The following NUDT6 variants were observed in gnomAD, a reference collection of about 807,000 sequenced individuals.
NUDT6 encodes the protein FAD diphosphatase NUDT6.
A neutral mutation model predicts 36.8 loss-of-function variants in NUDT6; 24 were observed. The ratio of observed to expected loss-of-function variants is 0.65; its 90% CI spans 0.47 to 0.92. The LOEUF (loss-of-function observed/expected upper bound fraction) is 0.92. Ranked by LOEUF, NUDT6 falls within the 40% of genes least tolerant of loss-of-function variation. The pLI is 0.00. For synonymous variants in NUDT6, 163 were observed against 157.0 expected, an observed-to-expected ratio of 1.04 and a Z score of -0.29; for missense variants, 388 against 392.8, an observed-to-expected ratio of 0.99 and a Z score of 0.10.
intron 3 of NUDT6, among the ~76,000 whole-genome samples, chr4:122,907,784 C>T (rs1259493502): frequency 5.3e-5 from 8 of 152,082 alleles, no homozygotes; most frequent in Non-Finnish European, 7.3e-5. Context: ...TTTCACTTTA[C>T]GGATTCACCC....
intron 4 of NUDT6, chr4:122,895,141 C>T (rs889323544): frequency 2.0e-5 from 3 of 152,184 alleles, no homozygotes; most frequent in African/African-American, 4.8e-5. Context: ...ACCCTTCCAC[C>T]TCAAGATGGA....
At chr4:122,899,275 A>G (rs1034921878) in intron 3 of NUDT6, among the ~76,000 whole-genome samples, 39 of 151,910 alleles carry the variant, frequency 2.6e-4, no homozygotes, top group African/African-American at 8.7e-4. Flanking sequence ...TTGACCATAA[A>G]TGATTAGAGA....
intron 3 of NUDT6, among the ~76,000 whole-genome samples, chr4:122,904,370 AATCT>A (rs987723464): frequency 1.3e-5 from 2 of 152,064 alleles, no homozygotes; most frequent in African/African-American, 4.8e-5. Context: ...TTCTCCTGTT[AATCT>A]ATCTGTTGTC....
At chr4:122,910,217 T>C (rs1299792918) in intron 3 of NUDT6, among the ~76,000 whole-genome samples, 2 of 152,206 alleles carry the variant, frequency 1.3e-5, no homozygotes, top group African/African-American at 2.4e-5. Flanking sequence ...CAAGTACAGA[T>C]TGCTCTGGGA....
intron 3 of NUDT6, among the ~76,000 whole-genome samples, chr4:122,899,377 A>AT (rs778261841): frequency 1.6e-3 from 240 of 152,206 alleles, no homozygotes; most frequent in Non-Finnish European, 2.8e-3. Context: ...GATTTTGACT[A>AT]TTTCATAAAC....
At chr4:122,917,208 T>C (rs1396953136) in intron 2 of NUDT6, among the ~76,000 whole-genome samples, 2 of 152,226 alleles carry the variant, frequency 1.3e-5, no homozygotes, top group Non-Finnish European at 2.9e-5. Context: ...TTCTAATTTA[T>C]TGTTAGTTAC....
rs1056434727 is a variant in NUDT6, at chr4:122,922,548, G to A, written c.25C>T (p.Arg9Cys). 5 of 1,602,226 alleles carry A rather than the reference G, an allele frequency of 3.1e-6. No homozygotes were observed. Among genetic ancestry groups the A allele is most frequent in the African/African-American group, 2.7e-5 (2 of 74,834 alleles). MRQPLSWG[R>C]WRAMLARTYG... ...GTTCGGGCAAGCATCGCGCGCCAGC[G>A]GCCCCAGCTCAGTGGCTGCCGCATC... Residue 9 changes from arginine to cysteine, a missense_variant, in exon 1 of 5, where the codon CGC becomes TGC. Arg to Cys is a radical substitution (Grantham distance 180). Coordinates refer to ENST00000304430, the MANE Select transcript of NUDT6 (RefSeq NM_007083.5).
At chr4:122,905,289 A>T (rs539553143) in intron 3 of NUDT6, among the ~76,000 whole-genome samples, 4 of 152,200 alleles carry the variant, frequency 2.6e-5, no homozygotes, top group African/African-American at 9.7e-5. Flanking sequence ...CATTCACTAT[A>T]TGCTAAATGG....
chr4:122,912,150 T>C (rs1727743680), intron 3 of NUDT6, among the ~76,000 whole-genome samples: 1 of 152,208 alleles, frequency 6.6e-6, no homozygotes, highest in Non-Finnish European at 1.5e-5. Context: ...TGTCATCTAT[T>C]GTATGACTGT....
At chr4:122,920,932 C>T (rs1241023199) in intron 1 of NUDT6, 1 of 152,154 alleles carries the variant, frequency 6.6e-6, no homozygotes, top group Non-Finnish European at 1.5e-5. Flanking sequence ...CCATATTGCT[C>T]AATAGGATAA....
At chr4:122,895,535 C>G (rs1167241389) in intron 4 of NUDT6, 1 of 152,188 alleles carries the variant, frequency 6.6e-6, no homozygotes, top group East Asian at 1.9e-4. Flanking sequence ...TGATAAGGCT[C>G]AGCTGCTTTA....
intron 3 of NUDT6, among the ~76,000 whole-genome samples, chr4:122,902,472 T>C (rs771642606): frequency 1.3e-5 from 2 of 152,220 alleles, no homozygotes; most frequent in Non-Finnish European, 2.9e-5. Flanking sequence ...CACTGATGTA[T>C]ACCTAGTGCT....
At chr4:122,896,916 A>C (rs1159837406) in intron 4 of NUDT6, 1 of 152,242 alleles carries the variant, frequency 6.6e-6, no homozygotes, top group Non-Finnish European at 1.5e-5. Context: ...GTCATGATAC[A>C]CATTGAATTT....
chr4:122,917,455 G>T, intron 2 of NUDT6, 46 bp downstream of exon 2: 1 of 1,499,186 alleles, frequency 6.7e-7, no homozygotes, highest in South Asian at 1.1e-5. Flanking sequence ...GAAATTGGGT[G>T]AACGTCTAAA....
At position 122,897,628 on chromosome 4, in the gene NUDT6, ATCT is replaced by A. The variant is rs747627491; in HGVS notation, c.546_548del (p.Glu182del). The A allele has an allele frequency of 3.2e-5, 51 of 1,600,678 alleles. No homozygotes were observed. The highest frequency in any genetic ancestry group is 3.9e-5 in the Non-Finnish European group (46 of 1,167,968). On this transcript the variant is annotated inframe_deletion, in exon 4 of 5. Coordinates refer to ENST00000304430, the MANE Select transcript of NUDT6 (RefSeq NM_007083.5). Reference sequence around the variant, plus strand: ...AAAAATATAAAAGATACACACCAATATCTTCTTCAGGCTCTGACAGGCCTCCTG... The same window carrying A: ...AAAAATATAAAAGATACACACCAATATCTTCAGGCTCTGACAGGCCTCCTG...
chr4:122,909,806 G>A (rs891000577), intron 3 of NUDT6, among the ~76,000 whole-genome samples: 3 of 152,122 alleles, frequency 2.0e-5, no homozygotes, highest in Non-Finnish European at 4.4e-5. Context: ...AACTCAGAGT[G>A]GAAAAAGGGA....
intron 3 of NUDT6, among the ~76,000 whole-genome samples, chr4:122,900,057 A>ACC (rs57059464): frequency 0.098 from 8,691 of 88,276 alleles, 268 homozygotes; most frequent in Middle Eastern, 0.16. Context: ...CACCCCCGCC[A>ACC]CCCCCCCCCC....
Position 122,917,568 on chromosome 4 carries a change from C to T in NUDT6, c.375G>A (p.Leu125=), listed in dbSNP as rs748261835. 2 of 1,614,182 alleles carry T rather than the reference C, an allele frequency of 1.2e-6. No individual in the cohort carries two copies. Among genetic ancestry groups the T allele is most frequent in the South Asian group, 2.2e-5 (2 of 91,074 alleles). The stretch of plus-strand genomic sequence containing the variant: ...TGGGCCCTTCTCTCAGCCACAGAGT[C>T]AACGTTGATGAATCCGATTCTGCGT... ...FHHAESDSST[L]TLWLREGPSR... is the part of the protein sequence containing the mutation. The change falls in exon 2 of 5, where the codon TTG becomes TTA. Residue 125 remains leucine, a synonymous_variant. Coordinates refer to ENST00000304430, the MANE Select transcript of NUDT6 (RefSeq NM_007083.5).
chr4:122,916,049 T>C (rs1161073670), intron 2 of NUDT6, among the ~76,000 whole-genome samples: 1 of 152,212 alleles, frequency 6.6e-6, no homozygotes, highest in Non-Finnish European at 1.5e-5. Flanking sequence ...AAGGATCCCT[T>C]ACTATTATAG....
Sources: gnomAD v4.1 joint callset for allele counts (sites outside exome capture counted in the v4.1 genomes callset) on GRCh38, gnomAD v4.1.1 for gene constraint, MANE v1.5 for transcripts, NCBI Gene and HGNC (gene_info 2026-07-23, HGNC 2026-07-21) for gene names.